The following CNBD1 variants were observed in gnomAD, a reference collection of about 807,000 sequenced individuals.
CNBD1 encodes the protein cyclic nucleotide binding domain containing 1, also known as cyclic nucleotide-binding domain-containing protein 1.
CNBD1 carries 71 observed loss-of-function variants against 54.4 expected under a neutral mutation model. The ratio of observed to expected loss-of-function variants is 1.30; its 90% CI spans 1.08 to 1.59. The LOEUF is 1.59. CNBD1 is among the 40% of genes most tolerant of loss of function. The pLI, the probability that CNBD1 is intolerant of heterozygous loss-of-function variation, is 0.00. For synonymous variants in CNBD1, 182 were observed against 170.7 expected (o/e 1.07, Z -0.51); for missense variants, 659 against 518.0 (o/e 1.27, Z -2.64).
At chr8:86,968,233 G>T (rs868336344) in intron 4 of CNBD1, among the ~76,000 whole-genome samples, 3 of 151,754 alleles carry the variant, frequency 2.0e-5, no homozygotes, top group African/African-American at 4.8e-5. Context: ...CCATTTTTTT[G>T]TTTTGTTTTG....
At chr8:87,328,799 C>T (rs146877729) in intron 8 of CNBD1, among the ~76,000 whole-genome samples, 2 of 151,902 alleles carry the variant, frequency 1.3e-5, no homozygotes, top group Non-Finnish European at 2.9e-5. Flanking sequence ...TTATATTTTT[C>T]AGTGTGCAAG....
At chr8:87,036,853 C>A (rs1809961167) in intron 4 of CNBD1, among the ~76,000 whole-genome samples, 1 of 152,070 alleles carries the variant, frequency 6.6e-6, no homozygotes, top group Admixed American at 6.6e-5. Flanking sequence ...TTGCTTTATT[C>A]TACACTAGAT....
At chr8:87,011,178 TG>T (rs1282962950) in intron 4 of CNBD1, among the ~76,000 whole-genome samples, 4 of 143,288 alleles carry the variant, frequency 2.8e-5, no homozygotes, top group Non-Finnish European at 6.2e-5. Context: ...TATTAGAGTT[TG>T]GTTTTTTTTT....
chr8:87,292,892 C>G (rs897148452), intron 8 of CNBD1, among the ~76,000 whole-genome samples: 1 of 152,182 alleles, frequency 6.6e-6, no homozygotes, highest in East Asian at 1.9e-4. Flanking sequence ...TTTAGAAGAG[C>G]TCTGTGTTGT....
intron 4 of CNBD1, among the ~76,000 whole-genome samples, chr8:87,097,961 TA>T (rs1484989839): frequency 6.6e-6 from 1 of 152,214 alleles, no homozygotes; most frequent in Non-Finnish European, 1.5e-5. Context: ...TATGTATGTC[TA>T]AAGATGAGTA....
At chr8:87,368,826 T>C (rs1041062303) in intron 10 of CNBD1, among the ~76,000 whole-genome samples, 6 of 151,954 alleles carry the variant, frequency 3.9e-5, no homozygotes, top group Non-Finnish European at 8.8e-5. Flanking sequence ...GGACAACATA[T>C]CTGAGGGTTA....
chr8:87,050,842 C>G (rs1810297036), intron 4 of CNBD1, among the ~76,000 whole-genome samples: 1 of 152,130 alleles, frequency 6.6e-6, no homozygotes, highest in Non-Finnish European at 1.5e-5. Flanking sequence ...CTAAGGAGGC[C>G]TTGTGCTTTT....
At chr8:86,907,669 A>G (rs886984686) in intron 3 of CNBD1, among the ~76,000 whole-genome samples, 1 of 152,054 alleles carries the variant, frequency 6.6e-6, no homozygotes, top group Non-Finnish European at 1.5e-5. Flanking sequence ...TCTATCTAAA[A>G]AAAAAACAAA....
At chr8:87,425,321 C>G (rs572849709) in intron 2 of CNBD1, among the ~76,000 whole-genome samples, 2 of 152,172 alleles carry the variant, frequency 1.3e-5, no homozygotes, top group South Asian at 4.1e-4. Context: ...TCTGTCAGCT[C>G]GTCAGTCATT....
intron 3 of CNBD1, among the ~76,000 whole-genome samples, chr8:86,906,813 A>G (rs1325655110): frequency 2.0e-5 from 3 of 152,226 alleles, no homozygotes; most frequent in Non-Finnish European, 2.9e-5. Flanking sequence ...ATACTTGGTA[A>G]TGAAATACCA....
intron 10 of CNBD1, among the ~76,000 whole-genome samples, chr8:87,356,084 A>G (rs1810414646): frequency 7.3e-6 from 1 of 136,634 alleles, no homozygotes; most frequent in African/African-American, 2.8e-5. Context: ...AGCCAAGCAG[A>G]TGTTGTTGCC....
chr8:87,232,360 AG>A (rs1409514367), intron 5 of CNBD1, among the ~76,000 whole-genome samples: 1 of 152,158 alleles, frequency 6.6e-6, no homozygotes, highest in Non-Finnish European at 1.5e-5. Flanking sequence ...ATATTTTTAC[AG>A]AGTAATTGTA....
chr8:87,139,300 G>C (rs1386192181), intron 4 of CNBD1, among the ~76,000 whole-genome samples: 1 of 152,144 alleles, frequency 6.6e-6, no homozygotes, highest in African/African-American at 2.4e-5. Context: ...ACTCTCATAG[G>C]ACTGGTTGAA....
At chr8:87,294,721 T>A (rs570092466) in intron 8 of CNBD1, among the ~76,000 whole-genome samples, 22 of 152,324 alleles carry the variant, frequency 1.4e-4, no homozygotes, top group African/African-American at 5.0e-4. Flanking sequence ...TCATTAAAAC[T>A]CAAGCACTTT....
intron 4 of CNBD1, among the ~76,000 whole-genome samples, chr8:86,978,698 A>C (rs1021138852): frequency 6.6e-6 from 1 of 151,742 alleles, no homozygotes; most frequent in Non-Finnish European, 1.5e-5. Context: ...ATGCTCCAAC[A>C]CGCCTGGCTA....
intron 4 of CNBD1, among the ~76,000 whole-genome samples, chr8:86,988,857 CT>C (rs1355380725): frequency 6.6e-6 from 1 of 152,082 alleles, no homozygotes; most frequent in Non-Finnish European, 1.5e-5. Context: ...GGATCTCATC[CT>C]TTTTTATGGC....
At chr8:86,934,801 G>A (rs76497688) in intron 3 of CNBD1, among the ~76,000 whole-genome samples, 11,527 of 151,984 alleles carry the variant, frequency 0.076, 540 homozygotes, top group African/African-American at 0.14. Context: ...CCCAAATAGC[G>A]TAGGCTTTGT....
At chr8:87,327,324 G>A (rs1208138471) in intron 8 of CNBD1, among the ~76,000 whole-genome samples, 2 of 150,006 alleles carry the variant, frequency 1.3e-5, no homozygotes, top group East Asian at 3.9e-4. Flanking sequence ...AGCTGTGGTG[G>A]GCTCCACCCA....
intron 4 of CNBD1, among the ~76,000 whole-genome samples, chr8:87,143,107 A>G (rs1411983688): frequency 6.6e-6 from 1 of 152,150 alleles, no homozygotes; most frequent in Non-Finnish European, 1.5e-5. Flanking sequence ...TGGCCTTTGC[A>G]CCTGGGGTCA....
Sources: allele counts gnomAD v4.1 joint callset (sites outside exome capture counted in the v4.1 genomes callset), GRCh38; gene constraint gnomAD v4.1.1; transcripts MANE v1.5; gene names NCBI Gene and HGNC (gene_info 2026-07-23, HGNC 2026-07-21).